Variants in DNAH5 observed in about 807,000 individuals in gnomAD.
The protein encoded by DNAH5 is dynein axonemal heavy chain 5.
In DNAH5, 372 loss-of-function variants were observed where a neutral mutation model predicts 518.2. That is an observed-to-expected ratio of 0.72 (90% CI 0.66 to 0.78). DNAH5 has a LOEUF of 0.78. Among genes scored for constraint, DNAH5 ranks in the 30% least tolerant of loss-of-function variants. The pLI is 0.00. For synonymous variants in DNAH5, 2,039 were observed against 2,025.9 expected (o/e 1.01, Z -0.17); for missense variants, 5,523 against 5,687.0 (o/e 0.97, Z 0.93).
chr5:13,885,009 G>A lies in DNAH5; in HGVS notation c.2963C>T (p.Ser988Phe), dbSNP rs1040668411. 13 of 1,614,114 alleles carry A rather than the reference G, an allele frequency of 8.1e-6. No individual in the cohort carries two copies. In the African/African-American group the frequency reaches 9.3e-5, roughly 12 times the overall value. ...ATTACCCCGGAAGTTAATTGTGTGAGAGGAATGAATACGTTTGCGAATGGC... is the reference window on the plus strand; with the variant it reads ...ATTACCCCGGAAGTTAATTGTGTGAAAGGAATGAATACGTTTGCGAATGGC... ...LEAIRKRIHSSHTINFRDSNS... is the reference protein window; with the variant it reads ...LEAIRKRIHSFHTINFRDSNS... The change falls in exon 19 of 79, where the codon TCT (serine) becomes TTT (phenylalanine). Residue 988 changes from serine to phenylalanine, a missense_variant. Physicochemically the swap from Ser to Phe is radical, Grantham distance 155. This residue lies in a region of DNAH5 where 5,121 missense variants were observed against 5,223.3 expected (regional missense o/e 0.98). Transcript: ENST00000265104.
At chr5:13,947,782 T>C (rs1025280474), upstream of DNAH5, among the ~76,000 whole-genome samples, 2 of 152,212 alleles carry the variant, frequency 1.3e-5, no homozygotes, top group Non-Finnish European at 2.9e-5. Flanking sequence ...ATCAGTTTAA[T>C]AGCCTTGTAA....
At chr5:13,778,597 A>AGT (rs1491094687) in intron 53 of DNAH5, among the ~76,000 whole-genome samples, 1 of 28,392 alleles carries the variant, frequency 3.5e-5, no homozygotes, top group African/African-American at 1.2e-4. Flanking sequence ...AAAGAAAGAA[A>AGT]GAGAGAGAGA....
intron 76 of DNAH5, among the ~76,000 whole-genome samples, chr5:13,705,631 T>A (rs1016394956): frequency 6.6e-6 from 1 of 152,160 alleles, no homozygotes; most frequent in Non-Finnish European, 1.5e-5. Flanking sequence ...AAACCATACA[T>A]TGAAGTCCTA....
intron 22 of DNAH5, among the ~76,000 whole-genome samples, chr5:13,874,111 C>T (rs1027980366): frequency 6.6e-6 from 1 of 152,150 alleles, no homozygotes; most frequent in East Asian, 1.9e-4. Context: ...GAAAGCTAAA[C>T]CTATCACTGC....
intron 53 of DNAH5, among the ~76,000 whole-genome samples, chr5:13,779,861 A>C (rs1365092053): frequency 2.0e-5 from 3 of 152,190 alleles, no homozygotes; most frequent in African/African-American, 7.2e-5. Flanking sequence ...TCATGACAGC[A>C]TCATGGCTTG....
intron 51 of DNAH5, 24 bp from the exon 52 acceptor site, chr5:13,786,375 T>C: frequency 6.2e-7 from 1 of 1,612,216 alleles, no homozygotes; most frequent in Non-Finnish European, 8.5e-7. Flanking sequence ...TAAGAATCAG[T>C]TAAGTTTCTG....
chr5:13,817,881 A>G (rs1048665256), intron 41 of DNAH5, among the ~76,000 whole-genome samples, 187 bp from the exon 42 acceptor site: 1 of 152,254 alleles, frequency 6.6e-6, no homozygotes, highest in Admixed American at 6.5e-5. Flanking sequence ...TTTATTGACT[A>G]AAGCACTTTT....
chr5:13,936,680 C>G (rs1778952529), intron 1 of DNAH5, among the ~76,000 whole-genome samples: 1 of 152,216 alleles, frequency 6.6e-6, no homozygotes, highest in Admixed American at 6.5e-5. Flanking sequence ...ATTAAAATGG[C>G]ATGACCAAGG....
At chr5:13,844,363 G>A (rs1373503712) in intron 32 of DNAH5, among the ~76,000 whole-genome samples, 4 of 152,188 alleles carry the variant, frequency 2.6e-5, no homozygotes, top group African/African-American at 7.2e-5. Context: ...TGCAAGTGTA[G>A]TCTCCGTCAA....
At chr5:13,869,360 A>T (rs1294135697) in intron 24 of DNAH5, among the ~76,000 whole-genome samples, 1 of 152,006 alleles carries the variant, frequency 6.6e-6, no homozygotes, top group Non-Finnish European at 1.5e-5. Flanking sequence ...AGTCTCATTT[A>T]AAAATAACAA....
chr5:13,913,352 G>A (rs1375075064), intron 11 of DNAH5, among the ~76,000 whole-genome samples: 1 of 151,996 alleles, frequency 6.6e-6, no homozygotes, highest in African/African-American at 2.4e-5. Context: ...ATGCTTAAAT[G>A]CAGAGATAAT....
intron 1 of DNAH5, among the ~76,000 whole-genome samples, chr5:13,957,849 T>C (rs1780869691): frequency 6.6e-6 from 1 of 151,474 alleles, no homozygotes; most frequent in Admixed American, 6.6e-5. Context: ...ATAATAAAAA[T>C]TGATTGGAAA....
rs905241 is a variant in DNAH5 at position 13,851,128 on chromosome 5, C to T, written c.4951-313G>A. 0.062 allele frequency among the ~76,000 whole-genome samples: 9,391 copies of T among 152,154 alleles called. 306 individuals are homozygous for T. The highest frequency in any genetic ancestry group is 0.079 in the African/African-American group (3,283 of 41,482). ...AAGAAAGTACACACATTTCTTTTCA[C>T]AGGTTATCTCTAAATGAAGTACATT... On this transcript the variant is annotated intron_variant, in intron 30 of 78. Transcript: ENST00000265104.
At chr5:13,747,634 T>C (rs1420637108) in intron 65 of DNAH5, among the ~76,000 whole-genome samples, 3 of 152,288 alleles carry the variant, frequency 2.0e-5, no homozygotes, top group South Asian at 2.1e-4. Context: ...TCTCTGATGG[T>C]CAGTGATGAT....
chr5:13,775,711 G>A (rs539200226), intron 55 of DNAH5, among the ~76,000 whole-genome samples: 3 of 152,174 alleles, frequency 2.0e-5, no homozygotes, highest in South Asian at 4.2e-4. Context: ...CAATGGTGAG[G>A]GCAGTAGAAG....
chr5:13,900,329 AG>A lies in DNAH5; in HGVS notation c.2135del (p.Pro712LeufsTer4). 2 of 1,614,178 alleles carry A rather than the reference AG, an allele frequency of 1.2e-6. No homozygotes were observed. The highest frequency in any genetic ancestry group is 1.7e-6 in the Non-Finnish European group (2 of 1,180,000). ...GTGELFVNFD[P>X]QILILFRETE... ...TTTCTCTAAATAAGATTAATATCTG[AG>A]GGTCAAAGTTTACAAACAATTCCCC... On this transcript the variant is annotated frameshift_variant, in exon 15 of 79. Transcript: ENST00000265104. LOFTEE classifies it high-confidence loss of function.
intron 15 of DNAH5, among the ~76,000 whole-genome samples, chr5:13,895,651 T>C (rs937471938): frequency 6.6e-6 from 1 of 152,140 alleles, no homozygotes; most frequent in South Asian, 2.1e-4. Context: ...TGATCTCAAC[T>C]AGTGTCACGG....
chr5:13,753,611 A>G (rs1284192873), intron 62 of DNAH5, 62 bp from the exon 63 acceptor site: 1 of 1,402,110 alleles, frequency 7.1e-7, no homozygotes, highest in Non-Finnish European at 9.8e-7. Flanking sequence ...TGTACAGCAT[A>G]TTAAAAATGA....
intron 1 of DNAH5, among the ~76,000 whole-genome samples, chr5:13,957,138 A>G (rs1367273170): frequency 2.0e-5 from 3 of 152,234 alleles, no homozygotes; most frequent in East Asian, 1.9e-4. Context: ...AAATGAGATT[A>G]ATCCAGAGAT....
Sources: gnomAD v4.1 joint callset for allele counts (sites outside exome capture counted in the v4.1 genomes callset) on GRCh38, gnomAD v4.1.1 for gene constraint, gnomAD v4.1.1 regional missense constraint, MANE v1.5 for transcripts, NCBI Gene and HGNC (gene_info 2026-07-23, HGNC 2026-07-21) for gene names.